The following ATF6 variants were observed in gnomAD, a reference collection of about 807,000 sequenced individuals.
The protein encoded by ATF6 is cyclic AMP-dependent transcription factor ATF-6 alpha.
A neutral mutation model predicts 83.6 loss-of-function variants in ATF6; 53 were observed. The observed-to-expected ratio is 0.63, with a 90% CI of 0.51 to 0.80. The LOEUF is 0.80. ATF6 is among the 30% of genes least tolerant of loss of function. ATF6 has a pLI of 0.00. For missense variants in ATF6, 744 were observed against 797.9 expected (o/e 0.93, Z 0.81); for synonymous variants, 288 against 285.8 (o/e 1.01, Z -0.08).
In ATF6 at chr1:161,771,339, C is replaced by G. The variant is rs4517327; in HGVS notation, c.82+4897C>G. ...GTTTCGTTTATGTCTTCAGTCTCTTCTGTGAAGGTTCTCTTGGCTTTCTAG... is the reference window on the plus strand; with the variant it reads ...GTTTCGTTTATGTCTTCAGTCTCTTGTGTGAAGGTTCTCTTGGCTTTCTAG... On this transcript the variant is annotated intron_variant, in intron 1 of 15. Coordinates refer to ENST00000367942, the MANE Select transcript of ATF6 (RefSeq NM_007348.4). Among the ~76,000 whole-genome samples, 1,338 of 152,288 alleles carry G rather than the reference C, an allele frequency of 8.8e-3. 22 individuals are homozygous for G. Among genetic ancestry groups the G allele is most frequent in the African/African-American group, 0.031 (1,278 of 41,552 alleles).
intron 7 of ATF6, among the ~76,000 whole-genome samples, chr1:161,808,867 G>T (rs543329057): frequency 1.3e-5 from 2 of 152,016 alleles, no homozygotes; most frequent in South Asian, 4.1e-4. Flanking sequence ...CACCATGCCT[G>T]GTCTTTTTCT....
At chr1:161,813,481 A>C (rs1685524815) in intron 7 of ATF6, among the ~76,000 whole-genome samples, 1 of 152,238 alleles carries the variant, frequency 6.6e-6, no homozygotes, top group African/African-American at 2.4e-5. Flanking sequence ...TTTTTTGTAC[A>C]CAGTCCACAG....
In ATF6 at chr1:161,846,532, A is replaced by T; in HGVS notation, c.1271A>T (p.Lys424Ile). Residue 424 changes from lysine (K) to isoleucine (I), a missense_variant, in exon 10 of 16, where the codon AAA (lysine) becomes ATA (isoleucine). Lys to Ile is a moderately radical substitution (Grantham distance 102). Coordinates refer to ENST00000367942, the MANE Select transcript of ATF6 (RefSeq NM_007348.4). ...AGGCACCTTCTAGGATTTTCTGCTA[A>T]AGAGGCACAGGACACATCAGATGGT... Reference protein sequence around the residue: ...QRRHLLGFSAKEAQDTSDGII... With the variant: ...QRRHLLGFSAIEAQDTSDGII... 6.2e-7 allele frequency: 1 copy of T among 1,612,160 alleles called. No individual in the cohort carries two copies. Among genetic ancestry groups the T allele is most frequent in the Non-Finnish European group, 8.5e-7 (1 of 1,178,728 alleles).
intron 15 of ATF6, among the ~76,000 whole-genome samples, chr1:161,923,252 C>T (rs371285387): frequency 6.6e-6 from 1 of 152,194 alleles, no homozygotes; most frequent in East Asian, 1.9e-4. Context: ...GTCTCTTCCT[C>T]CTCTTCATCC....
intron 5 of ATF6, 99 bp downstream of exon 5, chr1:161,791,636 G>T (rs111454869): frequency 1.4e-4 from 184 of 1,343,968 alleles, no homozygotes; most frequent in Non-Finnish European, 3.0e-5. Context: ...TGTTTATTAG[G>T]CTGGCTTGCT....
chr1:161,819,962 C>T, intron 8 of ATF6, 144 bp downstream of exon 8: 1 of 769,804 alleles, frequency 1.3e-6, no homozygotes, highest in Non-Finnish European at 1.9e-6. Flanking sequence ...AAAACATTTG[C>T]AGTAAGGATA....
intron 4 of ATF6, among the ~76,000 whole-genome samples, chr1:161,786,398 T>C (rs948644632): frequency 6.6e-6 from 1 of 152,224 alleles, no homozygotes; most frequent in African/African-American, 2.4e-5. Flanking sequence ...AAATATTTTT[T>C]CCCCAATTTT....
chr1:161,928,291 A>G (rs557900567), intron 15 of ATF6, among the ~76,000 whole-genome samples: 1 of 152,200 alleles, frequency 6.6e-6, no homozygotes, highest in South Asian at 2.1e-4. Flanking sequence ...ATACGAGTTT[A>G]TGTTACCATA....
At chr1:161,859,745 C>T (rs558212632) in intron 12 of ATF6, among the ~76,000 whole-genome samples, 15 of 152,258 alleles carry the variant, frequency 9.9e-5, no homozygotes, top group African/African-American at 3.4e-4. Context: ...TCAATAAGAA[C>T]TCTTTAATGA....
chr1:161,816,981 T>C (rs191963701), intron 7 of ATF6, among the ~76,000 whole-genome samples: 1 of 152,340 alleles, frequency 6.6e-6, no homozygotes, highest in African/African-American at 2.4e-5. Context: ...GTTTCATTTA[T>C]TTTTACTGTC....
intron 7 of ATF6, among the ~76,000 whole-genome samples, chr1:161,804,656 A>G (rs577379461): frequency 1.4e-5 from 2 of 146,062 alleles, no homozygotes; most frequent in African/African-American, 4.9e-5. Flanking sequence ...GTATTTAAAA[A>G]CCAGAAGAGC....
intron 14 of ATF6, 101 bp downstream of exon 14, chr1:161,863,413 G>C (rs1001622178): frequency 1.3e-6 from 1 of 765,658 alleles, no homozygotes; most frequent in East Asian, 2.6e-5. Flanking sequence ...GTGAGAAATA[G>C]GAAGCAATAT....
chr1:161,949,593 G>C (rs1045308300), intron 15 of ATF6, among the ~76,000 whole-genome samples: 30 of 152,204 alleles, frequency 2.0e-4, no homozygotes, highest in African/African-American at 7.0e-4. Context: ...CATAGTGCCA[G>C]CATCTGCTTC....
At chr1:161,855,542 G>A (rs950413630) in intron 12 of ATF6, among the ~76,000 whole-genome samples, 3 of 152,124 alleles carry the variant, frequency 2.0e-5, no homozygotes, top group African/African-American at 7.2e-5. Flanking sequence ...GTTGAAACTG[G>A]AAGTTTAATT....
At chr1:161,847,721 G>A (rs1686517636) in intron 10 of ATF6, among the ~76,000 whole-genome samples, 1 of 151,888 alleles carries the variant, frequency 6.6e-6, no homozygotes, top group Non-Finnish European at 1.5e-5. Context: ...CTATAATTTT[G>A]AATTCTGTTA....
intron 15 of ATF6, among the ~76,000 whole-genome samples, chr1:161,955,628 C>T (rs1050437933): frequency 2.6e-4 from 40 of 152,180 alleles, no homozygotes; most frequent in Admixed American, 6.5e-5. Context: ...CCCAAAGAAC[C>T]TTTTTATAAT....
At chr1:161,840,201 G>T (rs1402897692) in intron 9 of ATF6, 1 of 152,188 alleles carries the variant, frequency 6.6e-6, no homozygotes, top group Non-Finnish European at 1.5e-5. Flanking sequence ...TACATGTGAG[G>T]AATTGGAGGC....
intron 1 of ATF6, 32 bp downstream of exon 1, chr1:161,766,474 C>T: frequency 3.1e-6 from 5 of 1,603,804 alleles, no homozygotes; most frequent in South Asian, 1.1e-5. Context: ...ACCAGGGTGG[C>T]TCGGGTTCGC....
intron 7 of ATF6, among the ~76,000 whole-genome samples, chr1:161,818,100 CAAA>C (rs778851235): frequency 1.1e-4 from 9 of 79,740 alleles, no homozygotes; most frequent in Admixed American, 1.3e-4. Context: ...GACTCCATCT[CAAA>C]AAAAAAAAAA....
Sources: allele counts gnomAD v4.1 joint callset (sites outside exome capture counted in the v4.1 genomes callset), GRCh38; gene constraint gnomAD v4.1.1; transcripts MANE v1.5; gene names NCBI Gene and HGNC (gene_info 2026-07-23, HGNC 2026-07-21).